The following LUZP2 variants were observed in gnomAD, a reference collection of about 807,000 sequenced individuals.
LUZP2 encodes leucine zipper protein 2.
Under a neutral mutation model 51.6 loss-of-function variants are expected in LUZP2, and 52 were observed. The ratio of observed to expected loss-of-function variants is 1.01; its 90% CI spans 0.81 to 1.27. The LOEUF (loss-of-function observed/expected upper bound fraction) is 1.27. LUZP2 is among the 50% of genes most tolerant of loss of function. LUZP2 has a pLI of 0.00. For synonymous variants in LUZP2, 154 were observed against 137.3 expected, an observed-to-expected ratio of 1.12 and a Z score of -0.85; for missense variants, 436 against 395.4, an observed-to-expected ratio of 1.10 and a Z score of -0.87.
chr11:24,651,643 T>G (rs1008777319), intron 1 of LUZP2, among the ~76,000 whole-genome samples: 2 of 152,160 alleles, frequency 1.3e-5, no homozygotes, highest in African/African-American at 4.8e-5. Flanking sequence ...ATTTTAAATA[T>G]CAACTTGACT....
chr11:24,972,705 C>T (rs1385345646), intron 7 of LUZP2, among the ~76,000 whole-genome samples: 1 of 151,608 alleles, frequency 6.6e-6, no homozygotes, highest in Non-Finnish European at 1.5e-5. Context: ...TTCTTTAGTT[C>T]TGTTTATGTG....
intron 7 of LUZP2, among the ~76,000 whole-genome samples, chr11:24,949,198 C>T (rs1024054343): frequency 6.6e-6 from 1 of 151,330 alleles, no homozygotes; most frequent in African/African-American, 2.4e-5. Flanking sequence ...CTCTTTTCCA[C>T]TCTTTGTTTT....
chr11:25,076,106 G>A (rs762712106), intron 10 of LUZP2, among the ~76,000 whole-genome samples: 1 of 151,960 alleles, frequency 6.6e-6, no homozygotes, highest in Non-Finnish European at 1.5e-5. Flanking sequence ...TCAACCTCCC[G>A]GGCACTTCAG....
chr11:24,908,082 C>A (rs1853513294), intron 6 of LUZP2, among the ~76,000 whole-genome samples: 1 of 151,868 alleles, frequency 6.6e-6, no homozygotes, highest in African/African-American at 2.4e-5. Context: ...TTTGATTCAC[C>A]ATCACTACCA....
chr11:24,615,725 C>G (rs962543726), intron 1 of LUZP2, among the ~76,000 whole-genome samples: 1 of 151,880 alleles, frequency 6.6e-6, no homozygotes, highest in African/African-American at 2.4e-5. Flanking sequence ...AATTTTCAAA[C>G]AGTTTCCAGA....
rs573784982 is a variant in LUZP2, at chr11:24,587,453, G to A, written c.62+90148G>A. On this transcript the variant is annotated intron_variant, in intron 1 of 11. Transcript: ENST00000336930. ...AAGCCTGAGCGAGCATAAGCACAAT[G>A]TCTGGACGGAAAATTTTCTTCTTAG... 5.8e-4 allele frequency among the ~76,000 whole-genome samples: 88 copies of A among 152,206 alleles called. 2 individuals are homozygous for A. In the South Asian group the frequency reaches 0.017, roughly 30 times the overall value.
In LUZP2 at chr11:25,005,817, G is replaced by A. The variant is rs571399829; in HGVS notation, c.765+22524G>A. Among the ~76,000 whole-genome samples, 4 of 152,182 alleles carry A rather than the reference G, an allele frequency of 2.6e-5. No individual in the cohort carries two copies. In the South Asian group the frequency reaches 8.3e-4, roughly 32 times the overall value. On this transcript the variant is annotated intron_variant, in intron 9 of 11. Transcript: ENST00000336930. ...CCCTGTCCTCTTAGACCACAAAGAA[G>A]ACCAGGAAAAATCGGATTTAGTGGC...
chr11:24,961,702 A>G (rs1338088020), intron 7 of LUZP2, among the ~76,000 whole-genome samples: 5 of 151,992 alleles, frequency 3.3e-5, no homozygotes, highest in Admixed American at 2.6e-4. Flanking sequence ...TCTTTATCCA[A>G]TTTGCCTGTC....
At chr11:24,773,739 A>C (rs1004909128) in intron 5 of LUZP2, among the ~76,000 whole-genome samples, 9 of 152,168 alleles carry the variant, frequency 5.9e-5, no homozygotes, top group African/African-American at 2.2e-4. Context: ...TCCACCTAGG[A>C]GTATGTTCTT....
At chr11:24,787,348 C>T (rs1849278964) in intron 5 of LUZP2, among the ~76,000 whole-genome samples, 1 of 151,930 alleles carries the variant, frequency 6.6e-6, no homozygotes, top group African/African-American at 2.4e-5. Context: ...TCAGCTATAG[C>T]AAAGACATAA....
intron 7 of LUZP2, among the ~76,000 whole-genome samples, chr11:24,957,979 C>T (rs1193163800): frequency 6.6e-6 from 1 of 152,102 alleles, no homozygotes; most frequent in Non-Finnish European, 1.5e-5. Context: ...TCAGTTCCCA[C>T]CTATGAGTGA....
intron 9 of LUZP2, among the ~76,000 whole-genome samples, chr11:25,019,443 C>A (rs960652049): frequency 6.6e-6 from 1 of 151,866 alleles, no homozygotes; most frequent in Non-Finnish European, 1.5e-5. Flanking sequence ...TATCATATAC[C>A]ATTGTCTTAT....
At position 24,890,894 on chromosome 11, in the gene LUZP2, C is replaced by CCTT. The variant is rs1554932709; in HGVS notation, c.397-15097_397-15096insCTT. ...GCCATTTACAGGAGGAGTAAAAGTT[C>CCTT]TTTTTTTTTTTTTTTTTTTTGCAGG... On this transcript the variant is annotated intron_variant, in intron 5 of 11. Coordinates refer to ENST00000336930, the MANE Select transcript of LUZP2 (RefSeq NM_001009909.4). The CCTT allele has an allele frequency of 1.5e-4, 114 of 740,114 alleles. 1 individual carries two copies. In the South Asian group the frequency reaches 2.9e-3, roughly 19 times the overall value. The allele number at this position is 740,114 out of a possible 1,614,324, so 45.8% of individuals were successfully genotyped here. A position where few individuals can be genotyped will look rare whatever the true frequency, so the allele number is the denominator to read the frequency against.
At chr11:24,718,500 T>A (rs769910845) in intron 1 of LUZP2, among the ~76,000 whole-genome samples, 11 of 152,222 alleles carry the variant, frequency 7.2e-5, no homozygotes, top group Non-Finnish European at 1.2e-4. Context: ...GAATCTTATC[T>A]AGCTCGTATG....
At chr11:24,543,879 C>G (rs1205263840) in intron 1 of LUZP2, among the ~76,000 whole-genome samples, 1 of 143,076 alleles carries the variant, frequency 7.0e-6, no homozygotes, top group Non-Finnish European at 1.5e-5. Context: ...TTCCGGGTAG[C>G]TATATTTAGG....
At chr11:24,497,911 T>TAGA (rs1227535389) in intron 1 of LUZP2, among the ~76,000 whole-genome samples, 5 of 152,206 alleles carry the variant, frequency 3.3e-5, no homozygotes, top group Non-Finnish European at 1.5e-5. Context: ...GATTAAAAGT[T>TAGA]AGAAGACACT....
At chr11:24,977,668 T>C (rs536076877) in intron 8 of LUZP2, among the ~76,000 whole-genome samples, 54 of 151,784 alleles carry the variant, frequency 3.6e-4, no homozygotes, top group Non-Finnish European at 5.9e-4. Context: ...GCTTTACATA[T>C]GTATGTATAC....
chr11:25,017,794 T>C (rs572286812), intron 9 of LUZP2, among the ~76,000 whole-genome samples: 12 of 152,150 alleles, frequency 7.9e-5, no homozygotes, highest in Non-Finnish European at 1.8e-4. Context: ...AATTTTAGGA[T>C]TGTTTTTCCT....
chr11:25,038,219 A>T (rs749796674), intron 9 of LUZP2, among the ~76,000 whole-genome samples: 2 of 152,074 alleles, frequency 1.3e-5, no homozygotes, highest in African/African-American at 2.4e-5. Flanking sequence ...TTCTTTAAAA[A>T]ATTTTTCTGT....
Sources: allele counts gnomAD v4.1 joint callset (sites outside exome capture counted in the v4.1 genomes callset), GRCh38; gene constraint gnomAD v4.1.1; transcripts MANE v1.5; gene names NCBI Gene and HGNC (gene_info 2026-07-23, HGNC 2026-07-21).